RPL17: variants seen among roughly 807,000 people sequenced by gnomAD.
RPL17 encodes large ribosomal subunit protein uL22.
In RPL17, 2 loss-of-function variants were observed where a neutral mutation model predicts 27.7. The ratio of observed to expected loss-of-function variants is 0.07; its 90% confidence interval spans 0.03 to 0.23. The LOEUF is 0.23. Among genes scored for constraint, RPL17 ranks in the 10% least tolerant of loss-of-function variants. The pLI is 1.00. For synonymous variants in RPL17, 76 were observed against 75.5 expected (o/e 1.01, Z -0.03); for missense variants, 141 against 238.8 (o/e 0.59, Z 2.70).
chr18:49,491,672 G>A, intron 1 of RPL17, 88 bp from the exon 2 acceptor site: 1 of 1,466,060 alleles, frequency 6.8e-7, no homozygotes, highest in Non-Finnish European at 9.6e-7. Context: ...CAGCTGCTCA[G>A]AGAGTAGTTG....
intron 1 of RPL17, 78 bp from the exon 2 acceptor site, chr18:49,491,662 C>G: frequency 6.6e-7 from 1 of 1,522,296 alleles, no homozygotes; most frequent in Non-Finnish European, 9.1e-7. Context: ...ATGATTCGAA[C>G]AGCTGCTCAG....
At chr18:49,491,687 C>T in intron 1 of RPL17, 103 bp from the exon 2 acceptor site, 1 of 1,390,566 alleles carries the variant, frequency 7.2e-7, no homozygotes, top group Non-Finnish European at 1.0e-6. Flanking sequence ...TAGTTGTTTT[C>T]ATTATTAATC....
At chr18:49,491,905 G>A (rs2148826202) in intron 1 of RPL17, 1 of 448,618 alleles carries the variant, frequency 2.2e-6, no homozygotes, top group South Asian at 1.9e-5. Context: ...CGACGCATCC[G>A]CAGGGCACAA....
At chr18:49,490,984 A>G (rs1262410333) in intron 3 of RPL17, 57 bp from the exon 4 acceptor site, 1 of 1,572,342 alleles carries the variant, frequency 6.4e-7, no homozygotes, top group Non-Finnish European at 8.7e-7. Context: ...TTTTTAAAGT[A>G]AACGTTAAAT....
In RPL17 at chr18:49,491,936, C is replaced by G. The variant is rs939297195; in HGVS notation, c.-13-352G>C. 6 of 395,916 alleles carry G rather than the reference C, an allele frequency of 1.5e-5. No individual in the cohort carries two copies. The East Asian group carries it at 2.4e-4, about 16-fold the overall frequency. 24.5% of individuals were successfully genotyped at this position (395,916 alleles called of 1,614,324 possible). A position where few individuals can be genotyped will look rare whatever the true frequency, so the allele number is the denominator to read the frequency against. On this transcript the variant is annotated intron_variant, in intron 1 of 6. Transcript: ENST00000580261. ...CACAACTCAACCGTAACCCTCTACA[C>G]CTCCTCCCTCCCGCTCTACAGAAAC... is the stretch of plus-strand genomic sequence containing the variant.
chr18:49,491,637 CAG>C, intron 1 of RPL17, 53 bp from the exon 2 acceptor site: 1 of 1,589,418 alleles, frequency 6.3e-7, no homozygotes, highest in Non-Finnish European at 8.6e-7. Context: ...GTAACTCATT[CAG>C]TATAAATATC....
At chr18:49,492,199 C>T (rs2084166312) in intron 1 of RPL17, 1 of 155,014 alleles carries the variant, frequency 6.5e-6, no homozygotes, top group African/African-American at 2.4e-5. Context: ...GGGCCGGCGC[C>T]CCCACCAGTG....
Position 49,490,842 on chromosome 18 carries a change from T to G in RPL17, c.167A>C (p.Gln56Pro), listed in dbSNP as rs753489644. ...ATTGTAACGTCGGAATGGTACACAC[T>G]GTTTCTGTAAAGTGACATCTTTCAG... is the stretch of plus-strand genomic sequence containing the variant. ...KYLKDVTLQK[Q>P]CVPFRRYNGG... Residue 56 changes from glutamine (Q) to proline (P), a missense_variant, in exon 4 of 7, where the codon CAG (glutamine) becomes CCG (proline). This residue lies in a region of RPL17 where 107 missense variants were observed against 150.1 expected (regional missense o/e 0.71). Transcript: ENST00000580261. 1.2e-6 allele frequency: 2 copies of G among 1,613,282 alleles called. No homozygotes were observed. Among genetic ancestry groups the G allele is most frequent in the African/African-American group, 1.3e-5 (1 of 74,930 alleles).
At chr18:49,490,302 A>C (rs928257417) in intron 5 of RPL17, 152 bp downstream of exon 5, 2 of 825,472 alleles carry the variant, frequency 2.4e-6, no homozygotes, top group South Asian at 1.9e-5. Context: ...AAATAAAAGG[A>C]AATAGTTTCA....
intron 3 of RPL17, 126 bp downstream of exon 3, chr18:49,491,279 G>A (rs974441258): frequency 7.1e-6 from 10 of 1,412,158 alleles, no homozygotes; most frequent in African/African-American, 1.4e-5. Flanking sequence ...CTAAATATAA[G>A]GTGGCTGCTC....
At chr18:49,488,654 A>G in intron 6 of RPL17, 88 bp from the exon 7 acceptor site, 1 of 795,240 alleles carries the variant, frequency 1.3e-6, no homozygotes, top group Non-Finnish European at 2.2e-6. Flanking sequence ...CAGGAAACCT[A>G]GTCGTTAAGG....
intron 2 of RPL17, 43 bp from the exon 3 acceptor site, chr18:49,491,488 C>T (rs1449918684): frequency 1.2e-6 from 2 of 1,614,122 alleles, no homozygotes; most frequent in African/African-American, 2.7e-5. Context: ...TATCTTATGC[C>T]AAGCCCCAAG....
chr18:49,489,392 AG>A lies in RPL17; in HGVS notation c.473del (p.Pro158LeufsTer18). ...TCTGGGCAACCTCCTCTTCTGGTTT[AG>A]GAACAATCTGTTCCTTTTCCGTAAG... is the stretch of plus-strand genomic sequence containing the variant. The part of the protein sequence containing the change: ...MILTEKEQIV[P>X]KPEEEVAQKK... On this transcript the variant is annotated frameshift_variant, in exon 6 of 7. Coordinates refer to ENST00000580261, the MANE Select transcript of RPL17 (RefSeq NM_001035006.5). LOFTEE classifies it high-confidence loss of function. 1 of 1,613,522 alleles carries A rather than the reference AG, an allele frequency of 6.2e-7. No homozygotes were observed. The highest frequency in any genetic ancestry group is 2.2e-5 in the East Asian group (1 of 44,900).
intron 6 of RPL17, among the ~76,000 whole-genome samples, chr18:49,488,901 C>T (rs553894480): frequency 5.6e-5 from 7 of 125,520 alleles, no homozygotes; most frequent in Non-Finnish European, 1.1e-4. Flanking sequence ...ATAAAACTAC[C>T]AGTTTTTTTT....
intron 3 of RPL17, 70 bp from the exon 4 acceptor site, chr18:49,490,997 T>C (rs747583351): frequency 6.0e-5 from 95 of 1,593,786 alleles, no homozygotes; most frequent in Middle Eastern, 1.7e-4. Flanking sequence ...CGTTAAATTT[T>C]CAATTTTCAG....
chr18:49,491,485 T>A (rs762776398), intron 2 of RPL17, 40 bp from the exon 3 acceptor site: 1 of 1,614,184 alleles, frequency 6.2e-7, no homozygotes, highest in Admixed American at 1.7e-5. Context: ...TGGTATCTTA[T>A]GCCAAGCCCC....
chr18:49,490,740 C>T (rs1392354567), intron 4 of RPL17, 53 bp downstream of exon 4: 15 of 1,612,114 alleles, frequency 9.3e-6, no homozygotes, highest in Non-Finnish European at 1.1e-5. Context: ...TATCCTATCC[C>T]ATCACTTTTC....
chr18:49,491,292 AATTT>A (rs2084052545), intron 3 of RPL17, 109 bp downstream of exon 3: 1 of 1,524,272 alleles, frequency 6.6e-7, no homozygotes, highest in African/African-American at 1.4e-5. Flanking sequence ...GGCTGCTCAG[AATTT>A]ATTAATTTTC....
Position 49,490,254 on chromosome 18 carries a change from G to C in RPL17, c.315+200C>G, listed in dbSNP as rs376469589. ...TAAAGAGACCACAGAGCACGCTTCTGGATCTTCACAGAATTTTGCCATAAA... is the reference window on the plus strand; with the variant it reads ...TAAAGAGACCACAGAGCACGCTTCTCGATCTTCACAGAATTTTGCCATAAA... On this transcript the variant is annotated intron_variant, in intron 5 of 6. Coordinates refer to ENST00000580261, the MANE Select transcript of RPL17 (RefSeq NM_001035006.5). The C allele has an allele frequency of 1.2e-3, 709 of 572,540 alleles. 17 individuals carry two copies. In the South Asian group the frequency reaches 0.014, roughly 11 times the overall value. The allele number at this position is 572,540 out of a possible 1,614,324, so 35.5% of individuals were successfully genotyped here. A position where few individuals can be genotyped will look rare whatever the true frequency, so the allele number is the denominator to read the frequency against.
Sources: allele counts gnomAD v4.1 joint callset (sites outside exome capture counted in the v4.1 genomes callset), GRCh38; gene constraint gnomAD v4.1.1; regional missense constraint gnomAD v4.1.1; transcripts MANE v1.5; gene names NCBI Gene and HGNC (gene_info 2026-07-23, HGNC 2026-07-21).